EHBP1: variants seen among roughly 807,000 people sequenced by gnomAD.
EHBP1 encodes the protein EH domain binding protein 1.
EHBP1 carries 55 observed loss-of-function variants against 144.0 expected under a neutral mutation model. The ratio of observed to expected loss-of-function variants is 0.38; its 90% CI spans 0.31 to 0.48. The LOEUF is 0.48. Ranked by LOEUF, EHBP1 falls within the 20% of genes least tolerant of loss-of-function variation. The pLI is 0.98. For missense variants in EHBP1, 1,200 were observed against 1,364.2 expected (o/e 0.88, Z 1.90); for synonymous variants, 469 against 472.7 (o/e 0.99, Z 0.10).
chr2:63,019,193 A>G (rs2060598874), intron 19 of EHBP1, among the ~76,000 whole-genome samples: 1 of 152,234 alleles, frequency 6.6e-6, no homozygotes, highest in South Asian at 2.1e-4. Context: ...TGGACCTGGT[A>G]TGGAGCCAGT....
At chr2:62,844,462 G>C (rs1029855624) in intron 7 of EHBP1, among the ~76,000 whole-genome samples, 8 of 152,152 alleles carry the variant, frequency 5.3e-5, no homozygotes, top group African/African-American at 1.9e-4. Context: ...AGGAGTGATA[G>C]ACCTTGGAGC....
intron 1 of EHBP1, among the ~76,000 whole-genome samples, chr2:62,688,838 ATCT>A (rs1416992626): frequency 6.6e-6 from 1 of 152,186 alleles, no homozygotes; most frequent in East Asian, 1.9e-4. Context: ...CATTTTTTTC[ATCT>A]TCTTCACAAA....
chr2:62,754,243 T>A (rs2040046101), intron 3 of EHBP1, among the ~76,000 whole-genome samples: 1 of 152,168 alleles, frequency 6.6e-6, no homozygotes, highest in Admixed American at 6.5e-5. Context: ...TCTGTTGGAG[T>A]TTGCTGGAGG....
chr2:62,959,981 C>T (rs111852577), intron 14 of EHBP1, among the ~76,000 whole-genome samples: 1 of 152,020 alleles, frequency 6.6e-6, no homozygotes, highest in Non-Finnish European at 1.5e-5. Context: ...CAGTTAGCTA[C>T]TTGTGAGACT....
At chr2:62,994,579 C>T (rs914404584) in intron 18 of EHBP1, among the ~76,000 whole-genome samples, 6 of 152,098 alleles carry the variant, frequency 3.9e-5, no homozygotes, top group South Asian at 2.1e-4. Flanking sequence ...TGGACAGCTG[C>T]GGGACAGAAG....
intron 10 of EHBP1, among the ~76,000 whole-genome samples, chr2:62,891,965 T>G (rs1049088290): frequency 6.6e-6 from 1 of 152,172 alleles, no homozygotes; most frequent in Admixed American, 6.5e-5. Context: ...TGTAAACTTA[T>G]AAAGTATGTG....
chr2:62,739,857 G>A (rs367780687), intron 2 of EHBP1, among the ~76,000 whole-genome samples: 1 of 150,464 alleles, frequency 6.6e-6, no homozygotes, highest in East Asian at 2.0e-4. Flanking sequence ...GATTGCTTGA[G>A]TCCAGGAGTC....
At chr2:62,912,227 A>G (rs907840923) in intron 10 of EHBP1, among the ~76,000 whole-genome samples, 1 of 152,144 alleles carries the variant, frequency 6.6e-6, no homozygotes, top group Non-Finnish European at 1.5e-5. Context: ...ATGATATTCA[A>G]TAGAATTTTT....
At chr2:62,757,713 C>T (rs1225565488) in intron 3 of EHBP1, among the ~76,000 whole-genome samples, 1 of 152,092 alleles carries the variant, frequency 6.6e-6, no homozygotes, top group Admixed American at 6.6e-5. Flanking sequence ...GGATTACAGA[C>T]ATAAGCCACC....
At chr2:62,966,034 G>C (rs1206142777) in intron 14 of EHBP1, among the ~76,000 whole-genome samples, 2 of 152,174 alleles carry the variant, frequency 1.3e-5, no homozygotes, top group African/African-American at 4.8e-5. Context: ...TTTTAAATCA[G>C]TGATATTCAT....
intron 2 of EHBP1, among the ~76,000 whole-genome samples, chr2:62,744,158 A>C (rs936076868): frequency 2.0e-5 from 3 of 152,124 alleles, no homozygotes; most frequent in African/African-American, 7.2e-5. Context: ...ATGTCCATAA[A>C]ATGTTTACAT....
chr2:62,880,476 G>C (rs2051311768), intron 10 of EHBP1, among the ~76,000 whole-genome samples: 1 of 151,920 alleles, frequency 6.6e-6, no homozygotes, highest in African/African-American at 2.4e-5. Flanking sequence ...CTACAGAATT[G>C]GAGAAAATAT....
chr2:62,904,995 A>G lies in EHBP1; in HGVS notation c.1185+30463A>G, dbSNP rs559881632. 7.2e-5 allele frequency among the ~76,000 whole-genome samples: 11 copies of G among 152,204 alleles called. No individual in the cohort carries two copies. In the South Asian group the frequency reaches 1.0e-3, roughly 14 times the overall value. On this transcript the variant is annotated intron_variant, in intron 10 of 22. Transcript: ENST00000431489. ...AAGAAAGCAAAATAAGAGTCTTCAGATATGATCAGAAAGGAAGATAAGAGT... is the reference window on the plus strand; with the variant it reads ...AAGAAAGCAAAATAAGAGTCTTCAGGTATGATCAGAAAGGAAGATAAGAGT...
chr2:62,998,319 C>A (rs1002698145), intron 19 of EHBP1, among the ~76,000 whole-genome samples: 2 of 152,070 alleles, frequency 1.3e-5, no homozygotes, highest in Non-Finnish European at 2.9e-5. Context: ...TTTATATTTG[C>A]ATTTTTTCTT....
intron 10 of EHBP1, among the ~76,000 whole-genome samples, chr2:62,882,610 C>T (rs953608560): frequency 6.6e-6 from 1 of 152,126 alleles, no homozygotes; most frequent in Non-Finnish European, 1.5e-5. Context: ...GGGCCGGGTG[C>T]GGTGGCTCAC....
chr2:62,846,922 T>C (rs1405343211), intron 7 of EHBP1, among the ~76,000 whole-genome samples: 2 of 152,134 alleles, frequency 1.3e-5, no homozygotes, highest in African/African-American at 4.8e-5. Context: ...AATCTGTAAA[T>C]CCAACTCAAT....
intron 19 of EHBP1, among the ~76,000 whole-genome samples, chr2:63,022,291 T>TTTCCTCC (rs1197565715): frequency 5.9e-5 from 9 of 152,036 alleles, no homozygotes; most frequent in Middle Eastern, 3.4e-3. Flanking sequence ...CTCCTTCCTC[T>TTTCCTCC]TTCCTCCTTC....
chr2:62,769,795 T>TAAA (rs70962794), intron 4 of EHBP1, among the ~76,000 whole-genome samples: 4 of 73,868 alleles, frequency 5.4e-5, no homozygotes, highest in East Asian at 3.7e-4. Flanking sequence ...ATGGTACTGG[T>TAAA]AAAAAAAAAA....
At chr2:62,928,432 A>G (rs929441858) in intron 10 of EHBP1, among the ~76,000 whole-genome samples, 6 of 152,130 alleles carry the variant, frequency 3.9e-5, no homozygotes, top group Non-Finnish European at 7.3e-5. Flanking sequence ...GACTGGCCTT[A>G]ATTTTATCAA....
Sources: gnomAD v4.1 joint callset for allele counts (sites outside exome capture counted in the v4.1 genomes callset) on GRCh38, gnomAD v4.1.1 for gene constraint, MANE v1.5 for transcripts, NCBI Gene and HGNC (gene_info 2026-07-23, HGNC 2026-07-21) for gene names.